The following DMBX1 variants were observed in gnomAD, a reference collection of about 807,000 sequenced individuals.
DMBX1 encodes diencephalon/mesencephalon homeobox protein 1.
Under a neutral mutation model 30.4 loss-of-function variants are expected in DMBX1, and 7 were observed. The ratio of observed to expected loss-of-function variants is 0.23; its 90% CI spans 0.13 to 0.43. DMBX1 has a LOEUF of 0.43. Among genes scored for constraint, DMBX1 ranks in the 20% least tolerant of loss-of-function variants. The probability of loss-of-function intolerance (pLI) is 1.00; values close to 1 mark genes in which losing one functional copy is unlikely to be tolerated. For synonymous variants in DMBX1, 222 were observed against 214.2 expected, an observed-to-expected ratio of 1.04 and a Z score of -0.32; for missense variants, 460 against 508.5, an observed-to-expected ratio of 0.90 and a Z score of 0.92.
chr1:46,506,928 G>C (rs561879479), intron 2 of DMBX1, 71 bp from the exon 3 acceptor site: 2 of 1,551,340 alleles, frequency 1.3e-6, no homozygotes, highest in South Asian at 1.2e-5. Context: ...GGTCTGGACT[G>C]GGGGTGGGTC....
In DMBX1 at chr1:46,499,130, C is replaced by T. The variant is rs570047777; in HGVS notation, c.-12-7869C>T. 1.8e-4 allele frequency among the ~76,000 whole-genome samples: 27 copies of T among 152,026 alleles called. 1 individual carries two copies. In the East Asian group the frequency reaches 2.9e-3, roughly 16 times the overall value. On this transcript the variant is annotated intron_variant, in intron 2 of 5. Coordinates refer to ENST00000360032, the MANE Select transcript of DMBX1 (RefSeq NM_172225.2). The stretch of plus-strand genomic sequence containing the variant: ...CTGCTCACTGCAACCTCCGCCTCCC[C>T]GGTTCAAGCGATTCTCCTGCCTCAG...
rs142758317 is a variant in DMBX1 at position 46,512,734 on chromosome 1, G to GC, written c.*244dup. ...TAGGGAGGAGGTGAGAGGCTGGGGT[G>GC]CCCCAAGCTTCCCTCGGAGAAGTGA... is the stretch of plus-strand genomic sequence containing the variant. On this transcript the variant is annotated 3_prime_UTR_variant, in exon 6 of 6. Coordinates refer to ENST00000360032, the MANE Select transcript of DMBX1 (RefSeq NM_172225.2). This position sits in a 1 kb window ranked among gnomAD's most constrained non-coding sequence, Gnocchi z 4.8. 17,935 of 522,072 alleles carry GC rather than the reference G, an allele frequency of 0.034. 627 individuals carry two copies. The highest frequency in any genetic ancestry group is 0.13 in the African/African-American group (6,709 of 53,014). 32.3% of individuals were successfully genotyped at this position (522,072 alleles called of 1,614,324 possible).
At position 46,501,218 on chromosome 1, in the gene DMBX1, CTTTCTTTCTTTCTTT is replaced by C. The variant is rs1557786028; in HGVS notation, c.-12-5780_-12-5766del. On this transcript the variant is annotated intron_variant, in intron 2 of 5. Transcript: ENST00000360032. ...CCTTCCTTCCTTCCTTCCTTCCTTTCTTTCTTTCTTTCTTTCTTTCTTTCTTTCTTTCTTTCTTTC... is the reference window on the plus strand; with the variant it reads ...CCTTCCTTCCTTCCTTCCTTCCTTTCCTTTCTTTCTTTCTTTCTTTCTTTC... 5.0e-3 allele frequency among the ~76,000 whole-genome samples: 429 copies of C among 85,780 alleles called. 4 individuals are homozygous for C. The highest frequency in any genetic ancestry group is 0.012 in the South Asian group (29 of 2,434). 56.3% of individuals were successfully genotyped at this position (85,780 alleles called of 152,430 possible).
At position 46,511,369 on chromosome 1, in the gene DMBX1, C is replaced by T; in HGVS notation, c.682+86C>T. The T allele has an allele frequency of 3.0e-6, 4 of 1,342,670 alleles. 1 individual carries two copies. Among genetic ancestry groups the T allele is most frequent in the South Asian group, 3.1e-5 (2 of 64,414 alleles). The allele number at this position is 1,342,670 out of a possible 1,614,324, so 83.2% of individuals were successfully genotyped here. A position where few individuals can be genotyped will look rare whatever the true frequency, so the allele number is the denominator to read the frequency against. ...AGTCAGAGGCGAGTAATCAACTGCCCCTCAGGGGCATGGCGCATCAGAAAG... is the reference window on the plus strand; with the variant it reads ...AGTCAGAGGCGAGTAATCAACTGCCTCTCAGGGGCATGGCGCATCAGAAAG... On this transcript the variant is annotated intron_variant, in intron 5 of 5. Coordinates refer to ENST00000360032, the MANE Select transcript of DMBX1 (RefSeq NM_172225.2).
chr1:46,514,987 G>T lies in DMBX1; in HGVS notation c.*2493G>T, dbSNP rs1666463517. ...CTGGCTTCACGAGAGGTGGGGCTAAGGGGCCTGGAATCCAGGCTAAAGACC... is the reference window on the plus strand; with the variant it reads ...CTGGCTTCACGAGAGGTGGGGCTAATGGGCCTGGAATCCAGGCTAAAGACC... On this transcript the variant is annotated 3_prime_UTR_variant, in exon 6 of 6. Coordinates refer to ENST00000360032, the MANE Select transcript of DMBX1 (RefSeq NM_172225.2). Among the ~76,000 whole-genome samples, 1 of 152,160 alleles carries T rather than the reference G, an allele frequency of 6.6e-6. No individual in the cohort carries two copies. The highest frequency in any genetic ancestry group is 1.5e-5 in the Non-Finnish European group (1 of 68,024).
In DMBX1 at chr1:46,501,302, T is replaced by A. The variant is rs369113869; in HGVS notation, c.-12-5697T>A. Among the ~76,000 whole-genome samples the A allele has an allele frequency of 2.7e-5, 4 of 150,830 alleles. No individual in the cohort carries two copies. In the East Asian group the frequency reaches 7.8e-4, roughly 30 times the overall value. Reference sequence around the variant, plus strand: ...TTCTTTCTTTCCTTCTCTCTTTTTTTCTTTCTTTCTCTCTGTTGCCAAGGC... The same window carrying A: ...TTCTTTCTTTCCTTCTCTCTTTTTTACTTTCTTTCTCTCTGTTGCCAAGGC... On this transcript the variant is annotated intron_variant, in intron 2 of 5. Coordinates refer to ENST00000360032, the MANE Select transcript of DMBX1 (RefSeq NM_172225.2).
rs1341684197 is a variant in DMBX1, at chr1:46,512,312, T to C, written c.952T>C (p.Ser318Pro). 1.9e-6 allele frequency: 3 copies of C among 1,613,626 alleles called. No homozygotes were observed. Among genetic ancestry groups the C allele is most frequent in the Admixed American group, 1.7e-5 (1 of 60,000 alleles). ...ACTGCACTGCCAGTCCTACTACCAG[T>C]CCCTGTCAGCAGCCGCTGCTGCCCA... The part of the protein sequence containing the change: ...GSLHCQSYYQ[S>P]LSAAAAAHQG... Residue 318 changes from serine to proline, a missense_variant, in exon 6 of 6, where the codon TCC becomes CCC. Around this residue, in one of 3 missense-constraint regions of DMBX1, gnomAD observed 334 missense variants for 345.1 expected, o/e 0.97. Transcript: ENST00000360032. The surrounding 1 kb of genome is among the most constrained non-coding windows in gnomAD (Gnocchi z 4.8).
chr1:46,507,262 GT>G (rs1666257128), intron 3 of DMBX1, 98 bp downstream of exon 3: 1 of 1,462,614 alleles, frequency 6.8e-7, no homozygotes, highest in Admixed American at 2.4e-5. Flanking sequence ...GGCCAAGCTT[GT>G]TCTAGGGGGC....
chr1:46,512,138 C>G lies in DMBX1; in HGVS notation c.778C>G (p.Arg260Gly). Residue 260 changes from arginine (R) to glycine (G), a missense_variant, in exon 6 of 6, where the codon CGT becomes GGT. By Grantham distance (125) the Arg-to-Gly change is moderately radical. Coordinates refer to ENST00000360032, the MANE Select transcript of DMBX1 (RefSeq NM_172225.2). This position sits in a 1 kb window ranked among gnomAD's most constrained non-coding sequence, Gnocchi z 4.8. The part of the protein sequence containing the change: ...SYSSSPLSLF[R>G]LQEQFRQHMA... ...TTCCTCGTCCCCGCTGAGCCTCTTC[C>G]GTCTGCAGGAGCAATTCCGCCAGCA... 2 of 1,614,068 alleles carry G rather than the reference C, an allele frequency of 1.2e-6. No individual in the cohort carries two copies. The highest frequency in any genetic ancestry group is 1.7e-6 in the Non-Finnish European group (2 of 1,179,994).
intron 5 of DMBX1, among the ~76,000 whole-genome samples, chr1:46,511,838 AG>A (rs1232435871): frequency 6.6e-6 from 1 of 152,116 alleles, no homozygotes; most frequent in Non-Finnish European, 1.5e-5. Flanking sequence ...GGGTCCCTGG[AG>A]CTTTCCCAAG....
chr1:46,507,068 A>G lies in DMBX1; in HGVS notation c.58A>G (p.Met20Val), dbSNP rs1666250408. ...SLHAMNSLSA[M>V]YNLHQQAAQQ... ...GCACGCCATGAACTCACTCAGCGCCATGTACAACCTGCACCAGCAGGCAGC... is the reference window on the plus strand; with the variant it reads ...GCACGCCATGAACTCACTCAGCGCCGTGTACAACCTGCACCAGCAGGCAGC... Residue 20 changes from methionine to valine, a missense_variant, in exon 3 of 6, where the codon ATG becomes GTG. Met to Val is a conservative substitution (Grantham distance 21). This residue lies in a region of DMBX1 where 124 missense variants were observed against 144.0 expected (regional missense o/e 0.86). Transcript: ENST00000360032. 1.9e-6 allele frequency: 3 copies of G among 1,614,216 alleles called. No homozygotes were observed. The highest frequency in any genetic ancestry group is 2.5e-6 in the Non-Finnish European group (3 of 1,180,032).
Position 46,512,487 on chromosome 1 carries a change from C to T in DMBX1, c.1127C>T (p.Pro376Leu). 1 of 1,606,814 alleles carries T rather than the reference C, an allele frequency of 6.2e-7. No homozygotes were observed. Among genetic ancestry groups the T allele is most frequent in the Non-Finnish European group, 8.5e-7 (1 of 1,175,056 alleles). Residue 376 changes from proline (P) to leucine (L), a missense_variant, in exon 6 of 6, where the codon CCC (proline) becomes CTC (leucine). Pro to Leu is a moderately conservative substitution (Grantham distance 98, BLOSUM62 -3). This residue lies in a region of DMBX1 where 334 missense variants were observed against 345.1 expected (regional missense o/e 0.97). Transcript: ENST00000360032. This position sits in a 1 kb window ranked among gnomAD's most constrained non-coding sequence, Gnocchi z 4.8. The stretch of plus-strand genomic sequence containing the variant: ...GCCTCCCTGGGACTCGATACGCTGC[C>T]CAACTGACTGTCTGGCTTCCAACCC... ...HAASLGLDTL[P>L]N
Position 46,492,135 on chromosome 1 carries a change from G to A in DMBX1, c.-13+1352G>A, listed in dbSNP as rs114678855. On this transcript the variant is annotated intron_variant, in intron 2 of 5. Transcript: ENST00000360032. Reference sequence around the variant, plus strand: ...CAGAACAGAAAGGCAGAGGTGCAGAGGAGTGGAAACCCGCCCCAGGCGAAG... The same window carrying A: ...CAGAACAGAAAGGCAGAGGTGCAGAAGAGTGGAAACCCGCCCCAGGCGAAG... Among the ~76,000 whole-genome samples the A allele has an allele frequency of 6.5e-3, 985 of 152,336 alleles. 14 individuals carry two copies. Among genetic ancestry groups the A allele is most frequent in the African/African-American group, 0.023 (960 of 41,576 alleles).
At chr1:46,511,430 C>G (rs778155717) in intron 5 of DMBX1, 147 bp downstream of exon 5, 4 of 980,736 alleles carry the variant, frequency 4.1e-6, no homozygotes, top group Non-Finnish European at 5.7e-6. Context: ...GGTTTTCACC[C>G]TTTAGTTGCA....
intron 3 of DMBX1, among the ~76,000 whole-genome samples, chr1:46,508,326 T>A (rs990608022): frequency 6.6e-6 from 1 of 151,846 alleles, no homozygotes; most frequent in Non-Finnish European, 1.5e-5. Context: ...CTTTCTGAAA[T>A]CCACAGGGGC....
Position 46,489,845 on chromosome 1 carries a change from A to G in DMBX1, c.-185A>G, listed in dbSNP as rs1396614351. ...CCAGGCCCCGTCGCGCGTAGATGGCAGCGGAGGCGGCGGCGCGGGCCGGGG... is the reference window on the plus strand; with the variant it reads ...CCAGGCCCCGTCGCGCGTAGATGGCGGCGGAGGCGGCGGCGCGGGCCGGGG... On this transcript the variant is annotated 5_prime_UTR_variant, in exon 1 of 6. Coordinates refer to ENST00000360032, the MANE Select transcript of DMBX1 (RefSeq NM_172225.2). Among the ~76,000 whole-genome samples the G allele has an allele frequency of 6.6e-6, 1 of 151,266 alleles. No homozygotes were observed. Among genetic ancestry groups the G allele is most frequent in the Non-Finnish European group, 1.5e-5 (1 of 67,764 alleles).
rs200612868 is a variant in DMBX1, at chr1:46,512,446, G to A, written c.1086G>A (p.Arg362=). The A allele has an allele frequency of 3.7e-6, 6 of 1,613,706 alleles. No homozygotes were observed. The highest frequency in any genetic ancestry group is 5.1e-6 in the Non-Finnish European group (6 of 1,179,894). ...CAAGCATCGAGAACCTGCGGCTCCG[G>A]GCCAAGCAGCACGCGGCCTCCCTGG... The part of the protein sequence containing the change: ...KTTSIENLRL[R]AKQHAASLGL... The change falls in exon 6 of 6, where the codon CGG becomes CGA. Residue 362 remains arginine, a synonymous_variant. Transcript: ENST00000360032. This position sits in a 1 kb window ranked among gnomAD's most constrained non-coding sequence, Gnocchi z 4.8.
rs2148480889 is a variant in DMBX1, at chr1:46,493,981, CT to C, written c.-13+3199del. Among the ~76,000 whole-genome samples the C allele has an allele frequency of 6.6e-6, 1 of 152,370 alleles. No individual in the cohort carries two copies. The highest frequency in any genetic ancestry group is 2.4e-5 in the African/African-American group (1 of 41,592). ...ATCCCTGACAGACTTTGGGCCAAGG[CT>C]AACTGAGCAGGCAGGGCCACCACTT... On this transcript the variant is annotated intron_variant, in intron 2 of 5. Coordinates refer to ENST00000360032, the MANE Select transcript of DMBX1 (RefSeq NM_172225.2). This position sits in a 1 kb window ranked among gnomAD's most constrained non-coding sequence, Gnocchi z 4.1.
Position 46,513,271 on chromosome 1 carries a change from C to G in DMBX1, c.*777C>G, listed in dbSNP as rs1666422399. ...TTCTGCCCTGCCTGCCTCCCTGCAC[C>G]TGCGGCCTCTCTAGGAAGCTGTTCC... On this transcript the variant is annotated 3_prime_UTR_variant, in exon 6 of 6. Transcript: ENST00000360032. 6.6e-6 allele frequency: 1 copy of G among 152,404 alleles called. No individual in the cohort carries two copies. Among genetic ancestry groups the G allele is most frequent in the South Asian group, 2.1e-4 (1 of 4,832 alleles). The allele number at this position is 152,404 out of a possible 1,614,324, so 9.4% of individuals were successfully genotyped here. A position where few individuals can be genotyped will look rare whatever the true frequency, so the allele number is the denominator to read the frequency against.
Sources: gnomAD v4.1 joint callset for allele counts (sites outside exome capture counted in the v4.1 genomes callset) on GRCh38, gnomAD v4.1.1 for gene constraint, gnomAD v4.1.1 regional missense constraint, Gnocchi (gnomAD v3.1) non-coding constraint, MANE v1.5 for transcripts, NCBI Gene and HGNC (gene_info 2026-07-23, HGNC 2026-07-21) for gene names.